The following EOGT variants were observed in gnomAD, a reference collection of about 807,000 sequenced individuals.
The protein encoded by EOGT is EGF domain-specific O-linked N-acetylglucosamine transferase.
A neutral mutation model predicts 70.5 loss-of-function variants in EOGT; 55 were observed. The ratio of observed to expected loss-of-function variants is 0.78; its 90% CI spans 0.63 to 0.98. EOGT has a LOEUF of 0.98. Among genes scored for constraint, EOGT ranks in the 50% least tolerant of loss-of-function variants. The pLI, the probability that EOGT is intolerant of heterozygous loss-of-function variation, is 0.00. For missense variants in EOGT, 703 were observed against 641.9 expected, an observed-to-expected ratio of 1.10 and a Z score of -1.03; for synonymous variants, 246 against 217.1, an observed-to-expected ratio of 1.13 and a Z score of -1.17.
Position 68,988,541 on chromosome 3 carries a change from G to A in EOGT, c.961C>T (p.Arg321Cys), listed in dbSNP as rs986978516. The A allele has an allele frequency of 3.7e-5, 56 of 1,532,670 alleles. No individual in the cohort carries two copies. The highest frequency in any genetic ancestry group is 5.5e-5 in the African/African-American group (4 of 72,838). 94.9% of individuals were successfully genotyped at this position (1,532,670 alleles called of 1,614,324 possible). Residue 321 changes from arginine to cysteine, a missense_variant, in exon 12 of 18, where the codon CGC (arginine) becomes TGC (cysteine). By Grantham distance (180) the Arg-to-Cys change is radical. Coordinates refer to ENST00000383701, the MANE Select transcript of EOGT (RefSeq NM_001278689.2). ...FKEAVFSLLP[R>C]MRYGLFYNTP... ...TTATAGAACAGCCCATACCTCATGCGGGGGAGTAATGAAAAAACAGCTTCT... is the reference window on the plus strand; with the variant it reads ...TTATAGAACAGCCCATACCTCATGCAGGGGAGTAATGAAAAAACAGCTTCT...
At chr3:69,006,419 T>C (rs2091441952) in intron 6 of EOGT, among the ~76,000 whole-genome samples, 1 of 152,094 alleles carries the variant, frequency 6.6e-6, no homozygotes, top group Non-Finnish European at 1.5e-5. Flanking sequence ...AATTAAAAAA[T>C]TTTTTTAGTT....
chr3:69,009,935 A>C, intron 3 of EOGT, 75 bp from the exon 4 acceptor site: 8 of 459,708 alleles, frequency 1.7e-5, no homozygotes, highest in Non-Finnish European at 2.4e-5. Flanking sequence ...AACAACAACA[A>C]AAAAAAAAAA....
At chr3:68,998,201 T>C in intron 9 of EOGT, 87 bp from the exon 10 acceptor site, 3 of 741,466 alleles carry the variant, frequency 4.0e-6, no homozygotes, top group Non-Finnish European at 4.5e-6. Context: ...ATTTACAGTT[T>C]AAGAGAATTT....
chr3:68,997,300 T>C (rs1195916932), intron 10 of EOGT, among the ~76,000 whole-genome samples: 1 of 151,280 alleles, frequency 6.6e-6, no homozygotes, highest in Non-Finnish European at 1.5e-5. Flanking sequence ...AGACAGTAAA[T>C]GCAAAAGGCC....
At position 68,976,406 on chromosome 3, in the gene EOGT, G is replaced by GA. The variant is rs2090473398; in HGVS notation, c.*1211dup. ...ACAAATGCTCTCCATGGCTAAGAAG[G>GA]AATCAGTGGAAACCAGACAGAAGGT... On this transcript the variant is annotated 3_prime_UTR_variant, in exon 18 of 18. Transcript: ENST00000383701. 1.3e-5 allele frequency: 2 copies of GA among 152,154 alleles called. No individual in the cohort carries two copies. Among genetic ancestry groups the GA allele is most frequent in the South Asian group, 4.2e-4 (2 of 4,816 alleles). The allele number at this position is 152,154 out of a possible 1,614,324, so 9.4% of individuals were successfully genotyped here. A position where few individuals can be genotyped will look rare whatever the true frequency, so the allele number is the denominator to read the frequency against.
At position 68,977,582 on chromosome 3, in the gene EOGT, T is replaced by C; in HGVS notation, c.*36A>G. The C allele has an allele frequency of 6.2e-7, 1 of 1,610,722 alleles. No individual in the cohort carries two copies. The highest frequency in any genetic ancestry group is 2.2e-5 in the East Asian group (1 of 44,810). ...ATTCTAAGTCTGGGTGTTGGAGTGT[T>C]TAAACACTCTCTTTTTGCAAACAGA... On this transcript the variant is annotated 3_prime_UTR_variant, in exon 18 of 18. Coordinates refer to ENST00000383701, the MANE Select transcript of EOGT (RefSeq NM_001278689.2).
At chr3:69,007,511 G>GGGGGGTGC (rs2091467551) in intron 6 of EOGT, among the ~76,000 whole-genome samples, 1 of 80,472 alleles carries the variant, frequency 1.2e-5, no homozygotes, top group Non-Finnish European at 2.7e-5. Flanking sequence ...AATTAGCGGG[G>GGGGGGTGC]GGGGGTGGCA....
At chr3:69,009,925 A>C in intron 3 of EOGT, 65 bp from the exon 4 acceptor site, 3 of 615,608 alleles carry the variant, frequency 4.9e-6, no homozygotes, top group South Asian at 2.2e-5. Flanking sequence ...CAACAACAAC[A>C]ACAACAACAA....
chr3:68,988,271 C>T (rs912332852), intron 13 of EOGT, 24 bp downstream of exon 13: 65 of 1,487,138 alleles, frequency 4.4e-5, no homozygotes, highest in Admixed American at 4.4e-4. Context: ...AAGCCCACCT[C>T]AGAATCCGCA....
chr3:69,008,777 C>T (rs1376917722), intron 4 of EOGT, among the ~76,000 whole-genome samples: 9 of 152,184 alleles, frequency 5.9e-5, no homozygotes, highest in South Asian at 2.1e-4. Context: ...TTTACCTAGA[C>T]GCTCAAAGAC....
In EOGT at chr3:68,975,681, A is replaced by C. The variant is rs1429657830; in HGVS notation, c.*1937T>G. 6.6e-6 allele frequency: 1 copy of C among 152,300 alleles called. No individual in the cohort carries two copies. The allele number at this position is 152,300 out of a possible 1,614,324, so 9.4% of individuals were successfully genotyped here. On this transcript the variant is annotated 3_prime_UTR_variant, in exon 18 of 18. Transcript: ENST00000383701. Reference sequence around the variant, plus strand: ...AACAGTTACAATACCTGCCACTTAAAAATCCATAACATGTTGTAATTCTTC... The same window carrying C: ...AACAGTTACAATACCTGCCACTTAACAATCCATAACATGTTGTAATTCTTC...
intron 16 of EOGT, 113 bp downstream of exon 16, chr3:68,979,555 T>C (rs2090571835): frequency 2.5e-6 from 3 of 1,200,702 alleles, no homozygotes; most frequent in Admixed American, 5.0e-5. Flanking sequence ...ATGATGTGAC[T>C]TCTCTTTTTG....
intron 13 of EOGT, chr3:68,987,916 T>C (rs368833581): frequency 1.9e-5 from 6 of 322,818 alleles, no homozygotes; most frequent in African/African-American, 1.3e-4. Context: ...GGTCAGAAAA[T>C]GTTTTTGGGT....
intron 16 of EOGT, among the ~76,000 whole-genome samples, chr3:68,979,166 G>A (rs1456990879): frequency 1.3e-5 from 2 of 152,130 alleles, no homozygotes; most frequent in African/African-American, 4.8e-5. Flanking sequence ...TATTATGAGA[G>A]GGAAGGTCAT....
chr3:68,979,812 G>A (rs1359765742), intron 15 of EOGT, 25 bp from the exon 16 acceptor site: 1 of 1,609,128 alleles, frequency 6.2e-7, no homozygotes, highest in African/African-American at 1.3e-5. Flanking sequence ...AATAACATGA[G>A]AGAGATGGGG....
At position 68,982,938 on chromosome 3, in the gene EOGT, G is replaced by C. The variant is rs1320358726; in HGVS notation, c.1153-66C>G. Reference sequence around the variant, plus strand: ...TTTCACTTCTGTTTTTCCCTTATGAGTCCTAAAATTTCTTTTTTTGCATAT... The same window carrying C: ...TTTCACTTCTGTTTTTCCCTTATGACTCCTAAAATTTCTTTTTTTGCATAT... On this transcript the variant is annotated intron_variant, in intron 14 of 17. Coordinates refer to ENST00000383701, the MANE Select transcript of EOGT (RefSeq NM_001278689.2). The C allele has an allele frequency of 2.4e-5, 30 of 1,251,762 alleles. No homozygotes were observed. The Admixed American group carries it at 7.3e-4, about 31-fold the overall frequency. 77.5% of individuals were successfully genotyped at this position (1,251,762 alleles called of 1,614,324 possible).
intron 17 of EOGT, 152 bp downstream of exon 17, chr3:68,978,181 C>T (rs1559582683): frequency 1.9e-5 from 12 of 648,128 alleles, no homozygotes; most frequent in Non-Finnish European, 3.1e-5. Context: ...CCTTTTTCTC[C>T]TATTTGCAAA....
At chr3:69,002,661 C>CTT (rs34786432) in intron 8 of EOGT, among the ~76,000 whole-genome samples, 27 of 144,866 alleles carry the variant, frequency 1.9e-4, no homozygotes, top group South Asian at 8.7e-4. Context: ...GCATGAATTT[C>CTT]TTTTTTTTTT....
At chr3:68,983,554 C>T (rs1016492463) in intron 14 of EOGT, among the ~76,000 whole-genome samples, 24 of 152,250 alleles carry the variant, frequency 1.6e-4, no homozygotes, top group African/African-American at 5.8e-4. Flanking sequence ...TGCCTTGTGG[C>T]ATGCACTGCA....
Sources: gnomAD v4.1 joint callset for allele counts (sites outside exome capture counted in the v4.1 genomes callset) on GRCh38, gnomAD v4.1.1 for gene constraint, MANE v1.5 for transcripts, NCBI Gene and HGNC (gene_info 2026-07-23, HGNC 2026-07-21) for gene names.